Variants in PGCKA1 observed in about 807,000 individuals in gnomAD.
PGCKA1 encodes PDCD10 and GCKIII kinases-associated protein 1.
the PGCKA1 span, among the ~76,000 whole-genome samples, chr4:37,468,974 T>C: frequency 6.6e-6 from 1 of 152,340 alleles, no homozygotes; most frequent in East Asian, 1.9e-4. Context: ...ATGTACCTCA[T>C]AACAACGTTT....
chr4:37,468,690 A>G, the PGCKA1 span, among the ~76,000 whole-genome samples: 107 of 152,268 alleles, frequency 7.0e-4, no homozygotes, highest in African/African-American at 2.2e-3. Flanking sequence ...TCCATATCCT[A>G]AACATTGACA....
the PGCKA1 span, among the ~76,000 whole-genome samples, chr4:37,574,665 A>G: frequency 6.6e-6 from 1 of 152,286 alleles, no homozygotes; most frequent in African/African-American, 2.4e-5. Context: ...GACTGTAGTC[A>G]CCTGTTAAGC....
At chr4:37,577,118 CCCT>C in the PGCKA1 span, among the ~76,000 whole-genome samples, 2 of 151,944 alleles carry the variant, frequency 1.3e-5, no homozygotes, top group Admixed American at 6.6e-5. Flanking sequence ...TGAAAATATT[CCCT>C]CCTCCTCTAT....
the PGCKA1 span, among the ~76,000 whole-genome samples, chr4:37,547,072 T>C: frequency 6.6e-6 from 1 of 152,184 alleles, no homozygotes; most frequent in Non-Finnish European, 1.5e-5. Flanking sequence ...ACTTGCCCAC[T>C]CCATTTGAGT....
the PGCKA1 span, among the ~76,000 whole-genome samples, chr4:37,522,610 G>A: frequency 6.6e-6 from 1 of 150,602 alleles, no homozygotes; most frequent in Non-Finnish European, 1.5e-5. Flanking sequence ...GCAAATCTCA[G>A]AGGCTCACCC....
the PGCKA1 span, among the ~76,000 whole-genome samples, chr4:37,562,164 G>A: frequency 0.015 from 2,264 of 152,256 alleles, 72 homozygotes; most frequent in African/African-American, 0.053. Context: ...TGCCCACTCT[G>A]CACATGTCCA....
chr4:37,479,979 C>T, the PGCKA1 span, among the ~76,000 whole-genome samples: 1 of 152,096 alleles, frequency 6.6e-6, no homozygotes, highest in Non-Finnish European at 1.5e-5. Flanking sequence ...TGAATTAATT[C>T]ATGAAGTATT....
chr4:37,503,072 T>C, the PGCKA1 span, among the ~76,000 whole-genome samples: 3 of 152,142 alleles, frequency 2.0e-5, no homozygotes, highest in Non-Finnish European at 2.9e-5. Flanking sequence ...CACCAAACAC[T>C]CTGGGCTCTG....
At chr4:37,582,553 TTCTG>T in the PGCKA1 span, among the ~76,000 whole-genome samples, 12 of 152,218 alleles carry the variant, frequency 7.9e-5, no homozygotes, top group Non-Finnish European at 1.6e-4. Flanking sequence ...GGAAGCATTC[TTCTG>T]TCTTTCTTTG....
the PGCKA1 span, among the ~76,000 whole-genome samples, chr4:37,528,584 G>A: frequency 6.6e-6 from 1 of 151,950 alleles, no homozygotes; most frequent in African/African-American, 2.4e-5. Flanking sequence ...GCACTAGGTG[G>A]GTTTTAAAAA....
the PGCKA1 span, among the ~76,000 whole-genome samples, chr4:37,568,485 T>C: frequency 1.3e-5 from 2 of 152,206 alleles, no homozygotes; most frequent in African/African-American, 2.4e-5. Flanking sequence ...TCAGGGACTT[T>C]GCTGTTACAC....
chr4:37,531,577 G>A, the PGCKA1 span, among the ~76,000 whole-genome samples: 1 of 151,534 alleles, frequency 6.6e-6, no homozygotes, highest in Admixed American at 6.6e-5. Context: ...ATATATTAAA[G>A]TATAATTAAA....
the PGCKA1 span, among the ~76,000 whole-genome samples, chr4:37,537,344 G>T: frequency 2.4e-4 from 37 of 152,324 alleles, no homozygotes; most frequent in South Asian, 3.7e-3. Flanking sequence ...AGGCCTGGAT[G>T]ATTCTTTGTG....
the PGCKA1 span, among the ~76,000 whole-genome samples, chr4:37,529,800 C>T: frequency 2.6e-5 from 4 of 152,166 alleles, no homozygotes; most frequent in Admixed American, 1.3e-4. Context: ...AAGAAAGTAC[C>T]GTGCTACCTC....
chr4:37,580,305 A>ATTTTT, the PGCKA1 span, among the ~76,000 whole-genome samples: 5,583 of 130,732 alleles, frequency 0.043, 476 homozygotes, highest in African/African-American at 0.14. Flanking sequence ...CGGTGAGGTC[A>ATTTTT]TTTTTTTTTT....
the PGCKA1 span, among the ~76,000 whole-genome samples, chr4:37,472,047 G>A: frequency 6.6e-6 from 1 of 152,150 alleles, no homozygotes; most frequent in Non-Finnish European, 1.5e-5. Flanking sequence ...CTCCGTCTGG[G>A]CTGGTTCCTG....
the PGCKA1 span, among the ~76,000 whole-genome samples, chr4:37,514,520 A>G: frequency 1.3e-5 from 2 of 152,182 alleles, no homozygotes; most frequent in East Asian, 1.9e-4. Flanking sequence ...TGATTTTCCC[A>G]ATCCCATACT....
chr4:37,527,607 C>T, the PGCKA1 span, among the ~76,000 whole-genome samples: 15 of 150,836 alleles, frequency 9.9e-5, no homozygotes, highest in Admixed American at 8.6e-4. Context: ...ATCATGAGGT[C>T]AGGAGATTGA....
At chr4:37,522,724 C>T in the PGCKA1 span, among the ~76,000 whole-genome samples, 1,293 of 152,122 alleles carry the variant, frequency 8.5e-3, 50 homozygotes, top group East Asian at 0.12. Context: ...TGGGTCCTTT[C>T]CTTCAAGTCA....
Sources: allele counts gnomAD v4.1 joint callset (sites outside exome capture counted in the v4.1 genomes callset), GRCh38; gene constraint gnomAD v4.1.1; transcripts MANE v1.5; gene names NCBI Gene and HGNC (gene_info 2026-07-23, HGNC 2026-07-21).